HUWE1: variants seen among roughly 807,000 people sequenced by gnomAD.
HUWE1 encodes the protein HECT, UBA and WWE domain containing E3 ubiquitin protein ligase 1, also known as E3 ubiquitin-protein ligase HUWE1.
HUWE1 carries 18 observed loss-of-function variants against 299.4 expected under a neutral mutation model. That is an observed-to-expected ratio of 0.06 (90% CI 0.04 to 0.09). The LOEUF (loss-of-function observed/expected upper bound fraction) is 0.09. HUWE1 is among the 10% of genes least tolerant of loss of function. The pLI, the probability that HUWE1 is intolerant of heterozygous loss-of-function variation, is 1.00. For missense variants in HUWE1, 1,832 were observed against 3,462.3 expected (o/e 0.53, Z 11.82); for synonymous variants, 1,317 against 1,286.1 (o/e 1.02, Z -0.51).
chrX:53,624,823 C>T, intron 18 of HUWE1, 148 bp from the exon 19 acceptor site: 1 of 492,684 alleles, frequency 2.0e-6, no homozygotes. Context: ...GTTGTCTCCT[C>T]CTATTTTATT....
intron 3 of HUWE1, 56 bp from the exon 4 acceptor site, chrX:53,654,187 TACAAGCTTGGACACAG>T (rs2068637849): frequency 1.4e-6 from 1 of 733,300 alleles, no homozygotes; most frequent in African/African-American, 2.1e-5. Context: ...TCTTGAGCTC[TACAAGCTTGGACACAG>T]ACAATACAGA....
At chrX:53,655,018 G>T (rs782321124) in intron 3 of HUWE1, among the ~76,000 whole-genome samples, 1 of 111,223 alleles carries the variant, frequency 9.0e-6, no homozygotes, top group Non-Finnish European at 1.9e-5. Flanking sequence ...AATTTGGAAG[G>T]CTCAAAAGCA....
At chrX:53,613,942 G>GA (rs1557004848) in intron 23 of HUWE1, among the ~76,000 whole-genome samples, 5 of 112,054 alleles carry the variant, frequency 4.5e-5, no homozygotes. Flanking sequence ...ACCAAATTCT[G>GA]ATTCAATTTC....
Position 53,564,646 on chromosome X carries a change from CATGATATCCCCATCT to C in HUWE1, c.6942_6956del (p.Asp2317_Gly2321del), listed in dbSNP as rs1208358765. 8.3e-7 allele frequency: 1 copy of C among 1,209,854 alleles called. No homozygotes were observed. The highest frequency in any genetic ancestry group is 1.1e-6 in the Non-Finnish European group (1 of 895,159). ...CTGAGTCGGTTTCAGCCTCCCCATC[CATGATATCCCCATCT>C]GCCACCTCTGTCTGAGTGACATCAT... On this transcript the variant is annotated inframe_deletion, in exon 51 of 84. Transcript: ENST00000262854.
At chrX:53,547,087 C>G (rs1354792456) in intron 68 of HUWE1, among the ~76,000 whole-genome samples, 1 of 112,241 alleles carries the variant, frequency 8.9e-6, no homozygotes, top group Non-Finnish European at 1.9e-5. Flanking sequence ...TCAAAGAGGA[C>G]TCTTATGACT....
At chrX:53,584,441 A>G (rs2063764191) in intron 40 of HUWE1, 96 bp from the exon 41 acceptor site, 2 of 723,623 alleles carry the variant, frequency 2.8e-6, no homozygotes. Context: ...ATGCTACAAC[A>G]GGAAGGAACT....
intron 3 of HUWE1, 35 bp from the exon 4 acceptor site, chrX:53,654,166 T>TA (rs1462853523): frequency 2.4e-6 from 2 of 847,311 alleles, no homozygotes; most frequent in Admixed American, 4.8e-5. Context: ...AGTGAGAACT[T>TA]AAAGCTACAA....
intron 25 of HUWE1, 49 bp from the exon 26 acceptor site, chrX:53,604,883 TTCA>T: frequency 1.8e-6 from 2 of 1,115,179 alleles, no homozygotes; most frequent in Non-Finnish European, 2.5e-6. Context: ...GAACTTCAAA[TTCA>T]TCATGTCTTT....
intron 67 of HUWE1, 123 bp downstream of exon 67, chrX:53,548,836 T>C: frequency 1.7e-6 from 1 of 601,759 alleles, no homozygotes; most frequent in Non-Finnish European, 2.7e-6. Context: ...CTAGAAACAA[T>C]ACAGGGCTCA....
chrX:53,617,322 G>A lies in HUWE1; in HGVS notation c.1779+18C>T. 3 of 1,086,150 alleles carry A rather than the reference G, an allele frequency of 2.8e-6. No homozygotes were observed. Among genetic ancestry groups the A allele is most frequent in the Non-Finnish European group, 3.8e-6 (3 of 785,862 alleles). The allele number at this position is 1,086,150 out of a possible 1,213,427, so 89.5% of individuals were successfully genotyped here. On this transcript the variant is annotated intron_variant, in intron 20 of 83. Transcript: ENST00000262854. ...CACGCCCTAAGACATTCTTTACAGAGTAGCAGAAAAGACTTACATCTTTGA... is the reference window on the plus strand; with the variant it reads ...CACGCCCTAAGACATTCTTTACAGAATAGCAGAAAAGACTTACATCTTTGA...
At chrX:53,578,625 A>T (rs1306663511) in intron 43 of HUWE1, among the ~76,000 whole-genome samples, 1 of 64,425 alleles carries the variant, frequency 1.6e-5, no homozygotes, top group African/African-American at 6.4e-5. Context: ...TCCGGGAGGG[A>T]GGTGGGGGAG....
chrX:53,666,614 C>A (rs1015106381), intron 3 of HUWE1, among the ~76,000 whole-genome samples: 1 of 111,354 alleles, frequency 9.0e-6, no homozygotes, highest in Non-Finnish European at 1.9e-5. Flanking sequence ...AAACCAGCAT[C>A]CAAGACCTCT....
chrX:53,649,866 T>C (rs782090611), intron 4 of HUWE1, among the ~76,000 whole-genome samples: 1 of 112,275 alleles, frequency 8.9e-6, no homozygotes, highest in African/African-American at 3.2e-5. Flanking sequence ...ATTTGGTATG[T>C]CCCATAACCA....
At chrX:53,594,035 T>C (rs1556982218) in intron 31 of HUWE1, among the ~76,000 whole-genome samples, 1 of 110,711 alleles carries the variant, frequency 9.0e-6, no homozygotes, top group Non-Finnish European at 1.9e-5. Context: ...AGGCGGACCT[T>C]GCAGTGAGTT....
rs782584057 is a variant in HUWE1 at position 53,569,789 on chromosome X, G to C, written c.6351C>G (p.Leu2117=). ...SVLAFVLDHL[L]PHTQNAEDKD... Reference sequence around the variant, plus strand: ...TGTCTTCTGCATTCTGGGTATGTGGGAGCAGGTGGTCCAGAACAAAAGCTA... The same window carrying C: ...TGTCTTCTGCATTCTGGGTATGTGGCAGCAGGTGGTCCAGAACAAAAGCTA... The change falls in exon 48 of 84, where the codon CTC becomes CTG. Residue 2117 remains leucine, a synonymous_variant. Transcript: ENST00000262854. 1 of 1,210,629 alleles carries C rather than the reference G, an allele frequency of 8.3e-7. No homozygotes were observed. The highest frequency in any genetic ancestry group is 1.1e-6 in the Non-Finnish European group (1 of 895,371).
intron 29 of HUWE1, among the ~76,000 whole-genome samples, chrX:53,599,487 T>C (rs782776076): frequency 1.2e-3 from 137 of 111,406 alleles, no homozygotes; most frequent in African/African-American, 4.2e-3. Flanking sequence ...CAAACATTGG[T>C]ATTACATTAA....
chrX:53,681,856 T>C lies in HUWE1; in HGVS notation c.-162-1670A>G, dbSNP rs1017882249. On this transcript the variant is annotated intron_variant, in intron 2 of 83. Coordinates refer to ENST00000262854, the MANE Select transcript of HUWE1 (RefSeq NM_031407.7). ...GGCATGAGGCACCCCTTCCAAAAGG[T>C]AGAACACTTGGGTGTGGTTCTTGAC... 3.6e-5 allele frequency among the ~76,000 whole-genome samples: 4 copies of C among 112,087 alleles called. No homozygotes were observed. In the Admixed American group the frequency reaches 3.8e-4, roughly 11 times the overall value.
rs782396857 is a variant in HUWE1 at position 53,603,362 on chromosome X, T to C, written c.2876+6A>G. Reference sequence around the variant, plus strand: ...AAAGTAATAAGAGAGAGAGCCATTCTCTTACCTGTTTGGGGTACACAGAGA... The same window carrying C: ...AAAGTAATAAGAGAGAGAGCCATTCCCTTACCTGTTTGGGGTACACAGAGA... On this transcript the variant is annotated splice_donor_region_variant and intron_variant, in intron 27 of 83. Coordinates refer to ENST00000262854, the MANE Select transcript of HUWE1 (RefSeq NM_031407.7). 1 of 1,207,853 alleles carries C rather than the reference T, an allele frequency of 8.3e-7. No homozygotes were observed. The highest frequency in any genetic ancestry group is 1.8e-5 in the South Asian group (1 of 56,673).
intron 74 of HUWE1, among the ~76,000 whole-genome samples, chrX:53,540,432 G>A (rs1374868655): frequency 7.2e-5 from 8 of 110,513 alleles, no homozygotes; most frequent in Non-Finnish European, 1.5e-4. Flanking sequence ...GGGTTCAAGC[G>A]ATTCTCCAGC....
Sources: allele counts gnomAD v4.1 joint callset (sites outside exome capture counted in the v4.1 genomes callset), GRCh38; gene constraint gnomAD v4.1.1; transcripts MANE v1.5; gene names NCBI Gene and HGNC (gene_info 2026-07-23, HGNC 2026-07-21).